The following CSMD1 variants were observed in gnomAD, a reference collection of about 807,000 sequenced individuals.
CSMD1 encodes CUB and Sushi multiple domains 1.
Under a neutral mutation model 417.5 loss-of-function variants are expected in CSMD1, and 213 were observed. The ratio of observed to expected loss-of-function variants is 0.51; its 90% CI spans 0.46 to 0.57. The LOEUF (loss-of-function observed/expected upper bound fraction) is 0.57. Ranked by LOEUF, CSMD1 falls within the 20% of genes least tolerant of loss-of-function variation. The pLI is 0.00. For missense variants in CSMD1, 6,923 were observed against 4,529.7 expected (o/e 1.53, Z -15.17); for synonymous variants, 2,862 against 1,736.8 (o/e 1.65, Z -16.11).
At chr8:3,158,978 G>A (rs774722990) in intron 38 of CSMD1, among the ~76,000 whole-genome samples, 20 of 152,140 alleles carry the variant, frequency 1.3e-4, no homozygotes, top group Non-Finnish European at 1.3e-4. Flanking sequence ...CAATCCACCT[G>A]CCACAAAACT....
rs1482055931 is a variant in CSMD1, at chr8:3,553,357, C to T, written c.1344+21588G>A. ...AATAATTTGAGAAGTCATTAACTGCCTTTTTTAGATAAATTGTTTCATGAA... is the reference window on the plus strand; with the variant it reads ...AATAATTTGAGAAGTCATTAACTGCTTTTTTTAGATAAATTGTTTCATGAA... On this transcript the variant is annotated intron_variant, in intron 10 of 69. Transcript: ENST00000635120. Among the ~76,000 whole-genome samples, 3 of 152,076 alleles carry T rather than the reference C, an allele frequency of 2.0e-5. No individual in the cohort carries two copies. The South Asian group carries it at 6.2e-4, about 32-fold the overall frequency.
intron 3 of CSMD1, among the ~76,000 whole-genome samples, chr8:4,409,264 T>A (rs949575059): frequency 6.6e-6 from 1 of 152,344 alleles, no homozygotes; most frequent in South Asian, 2.1e-4. Context: ...ACTTCCTACT[T>A]ATTTCCAGTG....
chr8:3,233,049 A>C (rs997368840), intron 26 of CSMD1, among the ~76,000 whole-genome samples: 4 of 152,014 alleles, frequency 2.6e-5, no homozygotes, highest in Non-Finnish European at 4.4e-5. Flanking sequence ...TTAAATTTTC[A>C]TACATACTTA....
intron 1 of CSMD1, among the ~76,000 whole-genome samples, chr8:4,713,535 G>A (rs1374033350): frequency 1.3e-5 from 2 of 152,156 alleles, no homozygotes; most frequent in African/African-American, 4.8e-5. Flanking sequence ...CCGGGTAGCT[G>A]GGACTACAGG....
At chr8:4,403,766 G>A (rs140711556) in intron 3 of CSMD1, among the ~76,000 whole-genome samples, 7 of 152,134 alleles carry the variant, frequency 4.6e-5, no homozygotes, top group Admixed American at 1.3e-4. Context: ...CTCCACTTAC[G>A]TTTCCATCTT....
chr8:4,423,182 T>C (rs1048995836), intron 2 of CSMD1, among the ~76,000 whole-genome samples: 2 of 152,104 alleles, frequency 1.3e-5, no homozygotes, highest in Non-Finnish European at 2.9e-5. Flanking sequence ...AACATTCTTA[T>C]TCAATATCGT....
At chr8:3,039,949 G>A (rs374856960) in intron 50 of CSMD1, among the ~76,000 whole-genome samples, 26 of 152,212 alleles carry the variant, frequency 1.7e-4, no homozygotes, top group African/African-American at 5.5e-4. Context: ...GTCATAGCAC[G>A]GAATTCTCTT....
chr8:4,867,817 T>G (rs1162486103), intron 1 of CSMD1, among the ~76,000 whole-genome samples: 1 of 152,142 alleles, frequency 6.6e-6, no homozygotes, highest in African/African-American at 2.4e-5. Flanking sequence ...TTTTACTACA[T>G]GTGGCAACAT....
In CSMD1 at chr8:4,742,365, C is replaced by T. The variant is rs911900277; in HGVS notation, c.86-104807G>A. On this transcript the variant is annotated intron_variant, in intron 1 of 69. Transcript: ENST00000635120. ...TTTGAGAAGCACATCTCTAAGCCAC[C>T]GACTGTATCATGAGAAATTTAAGAC... Among the ~76,000 whole-genome samples, 49 of 151,820 alleles carry T rather than the reference C, an allele frequency of 3.2e-4. 1 individual carries two copies. Among genetic ancestry groups the T allele is most frequent in the Admixed American group, 2.0e-3 (31 of 15,240 alleles).
intron 1 of CSMD1, among the ~76,000 whole-genome samples, chr8:4,741,897 G>C (rs544548585): frequency 4.7e-5 from 7 of 147,618 alleles, no homozygotes; most frequent in Non-Finnish European, 7.4e-5. Flanking sequence ...ACAGTAGCAT[G>C]ATCACAGCTC....
At position 4,642,402 on chromosome 8, in the gene CSMD1, G is replaced by C. The variant is rs140618340; in HGVS notation, c.86-4844C>G. Among the ~76,000 whole-genome samples the C allele has an allele frequency of 3.6e-3, 552 of 152,268 alleles. 3 individuals carry two copies. Among genetic ancestry groups the C allele is most frequent in the African/African-American group, 0.013 (531 of 41,546 alleles). On this transcript the variant is annotated intron_variant, in intron 1 of 69. Transcript: ENST00000635120. The stretch of plus-strand genomic sequence containing the variant: ...TCTGAACACCCCCCTACAGTTGGTT[G>C]GCTCCTCTCCCGGGCTGTTGCTCTG...
At chr8:4,683,610 G>C (rs182673512) in intron 1 of CSMD1, among the ~76,000 whole-genome samples, 2 of 152,320 alleles carry the variant, frequency 1.3e-5, no homozygotes, top group Non-Finnish European at 2.9e-5. Flanking sequence ...TCATCAGACA[G>C]TTGAGGAAAT....
chr8:3,756,570 C>G (rs1797672060), intron 5 of CSMD1, among the ~76,000 whole-genome samples: 1 of 152,012 alleles, frequency 6.6e-6, no homozygotes, highest in South Asian at 2.1e-4. Context: ...TAATAGTATC[C>G]AAAGCCCTCA....
chr8:4,193,222 T>A (rs1413138000), intron 3 of CSMD1, among the ~76,000 whole-genome samples: 2 of 152,174 alleles, frequency 1.3e-5, no homozygotes, highest in Non-Finnish European at 1.5e-5. Flanking sequence ...AAGTTGTAGC[T>A]GCCACAAACG....
At chr8:4,751,767 G>A (rs1811342794) in intron 1 of CSMD1, among the ~76,000 whole-genome samples, 1 of 152,108 alleles carries the variant, frequency 6.6e-6, no homozygotes, top group South Asian at 2.1e-4. Flanking sequence ...TGACATTGAG[G>A]ACCTCTGCGT....
chr8:3,469,288 G>C (rs1320101345), intron 11 of CSMD1: 1 of 152,720 alleles, frequency 6.5e-6, no homozygotes, highest in African/African-American at 2.4e-5. Flanking sequence ...TTCACAAAAG[G>C]TTTTCATTGT....
intron 10 of CSMD1, among the ~76,000 whole-genome samples, chr8:3,539,949 A>G (rs1798368828): frequency 6.6e-6 from 1 of 152,164 alleles, no homozygotes; most frequent in Non-Finnish European, 1.5e-5. Flanking sequence ...TGTTTCCCAT[A>G]AATTGTAGCT....
intron 3 of CSMD1, among the ~76,000 whole-genome samples, chr8:4,391,777 CCT>C (rs1003217736): frequency 1.1e-4 from 17 of 152,166 alleles, no homozygotes; most frequent in Non-Finnish European, 2.2e-4. Flanking sequence ...TTCCCTCTCC[CCT>C]GAGTTTGAGC....
At chr8:4,567,693 A>T (rs781260432) in intron 2 of CSMD1, among the ~76,000 whole-genome samples, 1 of 152,184 alleles carries the variant, frequency 6.6e-6, no homozygotes, top group Non-Finnish European at 1.5e-5. Context: ...TTTTCACAAT[A>T]CATTATAGCT....
Sources: allele counts gnomAD v4.1 joint callset (sites outside exome capture counted in the v4.1 genomes callset), GRCh38; gene constraint gnomAD v4.1.1; transcripts MANE v1.5; gene names NCBI Gene and HGNC (gene_info 2026-07-23, HGNC 2026-07-21).